The following IGSF21 variants were observed in gnomAD, a reference collection of about 807,000 sequenced individuals.
IGSF21 encodes the protein immunoglobulin superfamily member 21.
IGSF21 carries 28 observed loss-of-function variants against 46.8 expected under a neutral mutation model. The ratio of observed to expected loss-of-function variants is 0.60; its 90% CI spans 0.44 to 0.82. IGSF21 has a LOEUF of 0.82. Ranked by LOEUF, IGSF21 falls within the 40% of genes least tolerant of loss-of-function variation. The probability of loss-of-function intolerance (pLI) is 0.00; values close to 1 mark genes in which losing one functional copy is unlikely to be tolerated. For synonymous variants in IGSF21, 284 were observed against 273.6 expected, an observed-to-expected ratio of 1.04 and a Z score of -0.38; for missense variants, 624 against 665.5, an observed-to-expected ratio of 0.94 and a Z score of 0.69.
At chr1:18,161,650 G>A (rs576673854) in intron 1 of IGSF21, among the ~76,000 whole-genome samples, 8 of 152,258 alleles carry the variant, frequency 5.3e-5, no homozygotes, top group Middle Eastern at 3.4e-3. Context: ...TTTCAAAGGC[G>A]AGGAAAACTA....
chr1:18,267,998 C>G (rs571062097), intron 2 of IGSF21, among the ~76,000 whole-genome samples: 1 of 152,192 alleles, frequency 6.6e-6, no homozygotes, highest in Non-Finnish European at 1.5e-5. Context: ...CTATCTAGAA[C>G]GAGAACACCA....
intron 2 of IGSF21, among the ~76,000 whole-genome samples, chr1:18,281,656 C>T (rs1037861311): frequency 2.0e-5 from 3 of 151,892 alleles, no homozygotes; most frequent in South Asian, 2.1e-4. Context: ...CCTTCCAGAA[C>T]ACAAGAGGGG....
intron 2 of IGSF21, among the ~76,000 whole-genome samples, chr1:18,242,033 A>C (rs2084734555): frequency 6.6e-6 from 1 of 152,132 alleles, no homozygotes; most frequent in Non-Finnish European, 1.5e-5. Flanking sequence ...GCTTCTGGAC[A>C]TGGCTGCTTC....
intron 1 of IGSF21, among the ~76,000 whole-genome samples, chr1:18,134,368 G>T (rs549891553): frequency 6.6e-6 from 1 of 152,176 alleles, no homozygotes; most frequent in East Asian, 1.9e-4. Context: ...CTGATTCCTT[G>T]TGGACATGGC....
At chr1:18,312,768 C>T (rs2085501624) in intron 3 of IGSF21, among the ~76,000 whole-genome samples, 2 of 152,192 alleles carry the variant, frequency 1.3e-5, no homozygotes, top group African/African-American at 4.8e-5. Context: ...CTGCAAAGCC[C>T]CTTCTGCCAC....
At chr1:18,214,064 T>A (rs1045152640) in intron 1 of IGSF21, among the ~76,000 whole-genome samples, 1 of 152,238 alleles carries the variant, frequency 6.6e-6, no homozygotes, top group Non-Finnish European at 1.5e-5. Flanking sequence ...TTATTAATAG[T>A]ATAAGCATAT....
chr1:18,217,681 G>A (rs115054336), intron 1 of IGSF21, among the ~76,000 whole-genome samples: 383 of 152,284 alleles, frequency 2.5e-3, no homozygotes, highest in African/African-American at 8.6e-3. Flanking sequence ...TTCCTAGCCC[G>A]TAGTCCCACT....
intron 1 of IGSF21, among the ~76,000 whole-genome samples, chr1:18,208,134 G>A (rs1262330300): frequency 6.6e-6 from 1 of 151,638 alleles, no homozygotes; most frequent in African/African-American, 2.4e-5. Context: ...TTGGGTTGGT[G>A]GAAGGAATAG....
At chr1:18,309,429 C>G (rs2085458753) in intron 3 of IGSF21, among the ~76,000 whole-genome samples, 1 of 152,136 alleles carries the variant, frequency 6.6e-6, no homozygotes, top group Admixed American at 6.5e-5. Context: ...AATGCCCTCC[C>G]CTAGGTTAGG....
chr1:18,336,699 C>G (rs376443508), intron 4 of IGSF21, among the ~76,000 whole-genome samples: 59 of 152,328 alleles, frequency 3.9e-4, no homozygotes, highest in African/African-American at 1.3e-3. Context: ...GAACCCTGAG[C>G]AGGTTATTCT....
intron 3 of IGSF21, among the ~76,000 whole-genome samples, chr1:18,294,906 C>A (rs1055457571): frequency 1.3e-5 from 2 of 152,242 alleles, no homozygotes; most frequent in African/African-American, 4.8e-5. Context: ...CGCGGGACTC[C>A]GCATTTACAT....
At chr1:18,189,880 G>A (rs930273459) in intron 1 of IGSF21, among the ~76,000 whole-genome samples, 1 of 151,356 alleles carries the variant, frequency 6.6e-6, no homozygotes, top group African/African-American at 2.5e-5. Context: ...CTGCCCTGGA[G>A]CCTTTACCCT....
intron 2 of IGSF21, among the ~76,000 whole-genome samples, chr1:18,244,565 C>T (rs1286838893): frequency 1.3e-5 from 2 of 152,286 alleles, no homozygotes; most frequent in East Asian, 3.9e-4. Context: ...ACCTATGTGG[C>T]CTTTCCAAAC....
intron 4 of IGSF21, among the ~76,000 whole-genome samples, chr1:18,359,383 A>AAAGAAAGGAAGGAAGGAAGG (rs1557659626): frequency 6.5e-5 from 4 of 61,100 alleles, no homozygotes; most frequent in East Asian, 4.7e-4. Flanking sequence ...AGAAAGAAAG[A>AAAGAAAGGAAGGAAGGAAGG]AAGGAAGGAA....
chr1:18,302,841 A>T (rs1371344897), intron 3 of IGSF21, among the ~76,000 whole-genome samples: 1 of 152,128 alleles, frequency 6.6e-6, no homozygotes, highest in Non-Finnish European at 1.5e-5. Context: ...GGGAATTGAG[A>T]TGATCCCTGT....
chr1:18,158,304 C>T (rs1459512312), intron 1 of IGSF21, among the ~76,000 whole-genome samples: 1 of 152,216 alleles, frequency 6.6e-6, no homozygotes, highest in Non-Finnish European at 1.5e-5. Flanking sequence ...GCACCCTCGG[C>T]ATTAATTAGT....
chr1:18,225,322 C>T (rs912930268), intron 1 of IGSF21, among the ~76,000 whole-genome samples: 11 of 152,062 alleles, frequency 7.2e-5, no homozygotes, highest in African/African-American at 2.2e-4. Flanking sequence ...TTCTACTGCC[C>T]CAGACATCTG....
In IGSF21 at chr1:18,273,470, TTC is replaced by T. The variant is rs1266013802; in HGVS notation, c.184-18394_184-18393del. Among the ~76,000 whole-genome samples the T allele has an allele frequency of 1.8e-4, 5 of 27,660 alleles. No homozygotes were observed. The East Asian group carries it at 0.025, about 138-fold the overall frequency. 18.1% of individuals were successfully genotyped at this position (27,660 alleles called of 152,430 possible). On this transcript the variant is annotated intron_variant, in intron 2 of 9. Transcript: ENST00000251296. ...ACTTTCTTTCTTTCTCTCTCTTTCT[TTC>T]TTTCTTTCTTTCTTTCTTTCTTTCT...
chr1:18,202,287 A>G (rs2087083216), intron 1 of IGSF21, among the ~76,000 whole-genome samples: 1 of 152,212 alleles, frequency 6.6e-6, no homozygotes, highest in East Asian at 1.9e-4. Flanking sequence ...TGGGACTGGC[A>G]CAGGAGGACG....
Sources: gnomAD v4.1 joint callset for allele counts (sites outside exome capture counted in the v4.1 genomes callset) on GRCh38, gnomAD v4.1.1 for gene constraint, MANE v1.5 for transcripts, NCBI Gene and HGNC (gene_info 2026-07-23, HGNC 2026-07-21) for gene names.